Variants in PTPRS observed in about 807,000 individuals in gnomAD.
The protein encoded by PTPRS is receptor-type tyrosine-protein phosphatase S.
Under a neutral mutation model 215.3 loss-of-function variants are expected in PTPRS, and 63 were observed. The ratio of observed to expected loss-of-function variants is 0.29; its 90% CI spans 0.24 to 0.36. The LOEUF is 0.36. Ranked by LOEUF, PTPRS falls within the 10% of genes least tolerant of loss-of-function variation. PTPRS has a pLI of 1.00. For synonymous variants in PTPRS, 1,404 were observed against 1,191.4 expected (o/e 1.18, Z -3.68); for missense variants, 2,258 against 2,825.8 (o/e 0.80, Z 4.56).
intron 9 of PTPRS, among the ~76,000 whole-genome samples, chr19:5,255,087 G>A (rs117410939): frequency 2.0e-4 from 30 of 152,318 alleles, no homozygotes; most frequent in East Asian, 3.9e-4. Flanking sequence ...ATTTGGGAGC[G>A]CAGGAGGCAG....
chr19:5,331,063 A>G (rs936770835), intron 1 of PTPRS, among the ~76,000 whole-genome samples: 2 of 149,816 alleles, frequency 1.3e-5, no homozygotes, highest in African/African-American at 5.0e-5. Context: ...TCAGGGACAA[A>G]GGCACCATCT....
At chr19:5,266,931 TC>T (rs1288680542) in intron 4 of PTPRS, among the ~76,000 whole-genome samples, 1 of 151,980 alleles carries the variant, frequency 6.6e-6, no homozygotes, top group Non-Finnish European at 1.5e-5. Flanking sequence ...TAGCTCCAAC[TC>T]CCTTGCTCTA....
At chr19:5,273,643 C>T in intron 3 of PTPRS, 60 bp from the exon 4 acceptor site, 1 of 1,566,826 alleles carries the variant, frequency 6.4e-7, no homozygotes, top group Non-Finnish European at 8.7e-7. Context: ...AGGTTCCTGT[C>T]TAGGCTGGGC....
At chr19:5,330,924 G>C (rs536953339) in intron 1 of PTPRS, among the ~76,000 whole-genome samples, 2 of 152,062 alleles carry the variant, frequency 1.3e-5, no homozygotes, top group South Asian at 4.1e-4. Flanking sequence ...GAATTCATCC[G>C]ACAGGGGCAA....
intron 9 of PTPRS, among the ~76,000 whole-genome samples, chr19:5,248,671 G>C (rs1194017256): frequency 6.6e-6 from 1 of 152,214 alleles, no homozygotes; most frequent in African/African-American, 2.4e-5. Context: ...TTAGGGCTGA[G>C]CAAGTTGGAG....
chr19:5,263,711 C>T (rs184164200), intron 5 of PTPRS, among the ~76,000 whole-genome samples: 89 of 152,362 alleles, frequency 5.8e-4, no homozygotes, highest in African/African-American at 2.1e-3. Context: ...ACGTGTGTCC[C>T]CACGCACGAG....
intron 1 of PTPRS, among the ~76,000 whole-genome samples, chr19:5,288,968 C>T (rs1171497782): frequency 6.6e-6 from 1 of 152,220 alleles, no homozygotes; most frequent in Admixed American, 6.5e-5. Context: ...CCCCCAGATC[C>T]GCCACTCCAG....
chr19:5,251,429 C>CT (rs60058565), intron 9 of PTPRS, among the ~76,000 whole-genome samples: 34,823 of 136,650 alleles, frequency 0.25, 4,965 homozygotes, highest in Non-Finnish European at 0.34. Flanking sequence ...GCTCTAGATA[C>CT]TTTTTTTTTT....
chr19:5,261,568 C>T (rs1485332071), intron 6 of PTPRS, among the ~76,000 whole-genome samples: 5 of 152,278 alleles, frequency 3.3e-5, no homozygotes, highest in Admixed American at 2.6e-4. Flanking sequence ...TGCTGATGGC[C>T]GATAACTTGA....
intron 13 of PTPRS, among the ~76,000 whole-genome samples, chr19:5,234,335 C>G (rs909066674): frequency 5.9e-5 from 9 of 152,044 alleles, no homozygotes; most frequent in Non-Finnish European, 1.2e-4. Flanking sequence ...AGGGCTTTAT[C>G]AAGTAATAAT....
chr19:5,290,547 C>T lies in PTPRS; in HGVS notation c.-94-4313G>A, dbSNP rs1209454872. ...CATAAAGGGGTGATTATGACCCAGG[C>T]CGGGCAGCAAACAGGCTGTGTCACC... On this transcript the variant is annotated intron_variant, in intron 1 of 37. Coordinates refer to ENST00000262963, the MANE Select transcript of PTPRS (RefSeq NM_002850.4). 2.0e-5 allele frequency among the ~76,000 whole-genome samples: 3 copies of T among 152,136 alleles called. No individual in the cohort carries two copies. In the East Asian group the frequency reaches 5.8e-4, roughly 30 times the overall value.
chr19:5,262,870 C>A (rs567670292), intron 6 of PTPRS, 94 bp downstream of exon 6: 3 of 1,333,032 alleles, frequency 2.3e-6, no homozygotes, highest in Non-Finnish European at 3.2e-6. Context: ...GTTACCATCA[C>A]GGTGGCTGTT....
chr19:5,215,091 CAGA>C (rs1490922193), intron 28 of PTPRS, among the ~76,000 whole-genome samples, 195 bp downstream of exon 28: 3 of 152,248 alleles, frequency 2.0e-5, no homozygotes. Context: ...ACAACTGATG[CAGA>C]AGGACAGATG....
chr19:5,308,303 T>C (rs1310898461), intron 1 of PTPRS, among the ~76,000 whole-genome samples: 2 of 152,188 alleles, frequency 1.3e-5, no homozygotes, highest in African/African-American at 4.8e-5. Context: ...CTTGTTTTAA[T>C]TTGCATCTCC....
intron 16 of PTPRS, among the ~76,000 whole-genome samples, chr19:5,228,855 G>A (rs1215718830): frequency 1.3e-5 from 2 of 152,180 alleles, no homozygotes; most frequent in Non-Finnish European, 2.9e-5. Context: ...CTCATCACCC[G>A]GGGGCCAGAA....
rs370516082 is a variant in PTPRS, at chr19:5,244,265, C to T, written c.1206G>A (p.Val402=). The stretch of plus-strand genomic sequence containing the variant: ...CCTGGCCGATGGAGTTGACGGCCGA[C>T]ACCCAGATCTCGTACTCCGAGTTGG... ...LSPNSEYEIW[V]SAVNSIGQGP... The change falls in exon 11 of 38, where the codon GTG becomes GTA. Residue 402 remains valine, a synonymous_variant. Coordinates refer to ENST00000262963, the MANE Select transcript of PTPRS (RefSeq NM_002850.4). This position sits in a 1 kb window ranked among gnomAD's most constrained non-coding sequence, Gnocchi z 7.2. 13 of 1,613,980 alleles carry T rather than the reference C, an allele frequency of 8.1e-6. No individual in the cohort carries two copies. In the African/African-American group the frequency reaches 1.3e-4, roughly 17 times the overall value.
chr19:5,315,347 A>C (rs2049835176), intron 1 of PTPRS, among the ~76,000 whole-genome samples: 1 of 123,548 alleles, frequency 8.1e-6, no homozygotes, highest in Non-Finnish European at 1.8e-5. Context: ...TTTATTTGAA[A>C]AGGGTTTTTT....
At chr19:5,215,634 G>T in intron 26 of PTPRS, 39 bp from the exon 27 acceptor site, 1 of 1,491,934 alleles carries the variant, frequency 6.7e-7, no homozygotes, top group Non-Finnish European at 9.2e-7. Context: ...TTGGTCACTT[G>T]GGGGGCCAGC....
At position 5,280,548 on chromosome 19, in the gene PTPRS, G is replaced by A. The variant is rs1013907056; in HGVS notation, c.91+5502C>T. ...AGCCTGGCCAACATGATGAAACCCCGTCTCTACTAAAAAAATACAAAAATC... is the reference window on the plus strand; with the variant it reads ...AGCCTGGCCAACATGATGAAACCCCATCTCTACTAAAAAAATACAAAAATC... On this transcript the variant is annotated intron_variant, in intron 2 of 37. Coordinates refer to ENST00000262963, the MANE Select transcript of PTPRS (RefSeq NM_002850.4). Among the ~76,000 whole-genome samples the A allele has an allele frequency of 4.6e-5, 7 of 151,332 alleles. 1 individual carries two copies. Among genetic ancestry groups the A allele is most frequent in the Non-Finnish European group, 8.8e-5 (6 of 67,846 alleles).
Sources: gnomAD v4.1 joint callset for allele counts (sites outside exome capture counted in the v4.1 genomes callset) on GRCh38, gnomAD v4.1.1 for gene constraint, Gnocchi (gnomAD v3.1) non-coding constraint, MANE v1.5 for transcripts, NCBI Gene and HGNC (gene_info 2026-07-23, HGNC 2026-07-21) for gene names.